The following PLCB4 variants were observed in gnomAD, a reference collection of about 807,000 sequenced individuals.
PLCB4 encodes 1-phosphatidylinositol 4,5-bisphosphate phosphodiesterase beta-4.
In PLCB4, 77 loss-of-function variants were observed where a neutral mutation model predicts 178.8. The ratio of observed to expected loss-of-function variants is 0.43; its 90% CI spans 0.36 to 0.52. The LOEUF (loss-of-function observed/expected upper bound fraction) is 0.52, where lower values mean the gene tolerates loss of function less well. PLCB4 is among the 20% of genes least tolerant of loss of function. The pLI is 0.00. For synonymous variants in PLCB4, 496 were observed against 490.8 expected, an observed-to-expected ratio of 1.01 and a Z score of -0.14; for missense variants, 1,024 against 1,453.4, an observed-to-expected ratio of 0.70 and a Z score of 4.80.
intron 2 of PLCB4, among the ~76,000 whole-genome samples, chr20:9,147,816 T>A (rs1031682666): frequency 1.3e-5 from 2 of 152,132 alleles, no homozygotes; most frequent in South Asian, 4.1e-4. Context: ...AGAGTGAGAA[T>A]GGCACCACAA....
At chr20:9,270,199 G>A (rs918930071) in intron 3 of PLCB4, among the ~76,000 whole-genome samples, 4 of 152,032 alleles carry the variant, frequency 2.6e-5, no homozygotes, top group African/African-American at 9.7e-5. Flanking sequence ...TATTTTAAAA[G>A]GTACAAACAG....
intron 3 of PLCB4, among the ~76,000 whole-genome samples, chr20:9,298,848 T>A (rs907026646): frequency 3.9e-5 from 6 of 152,070 alleles, no homozygotes; most frequent in Admixed American, 1.3e-4. Flanking sequence ...TTTATTTTAT[T>A]CCTGTGCAAT....
At chr20:9,383,488 A>G (rs1448967397) in intron 13 of PLCB4, among the ~76,000 whole-genome samples, 1 of 152,200 alleles carries the variant, frequency 6.6e-6, no homozygotes, top group Non-Finnish European at 1.5e-5. Context: ...TCAACCATTT[A>G]TAAGTTGCAT....
At chr20:9,203,173 G>C (rs1280718653) in intron 2 of PLCB4, among the ~76,000 whole-genome samples, 1 of 150,758 alleles carries the variant, frequency 6.6e-6, no homozygotes, top group Non-Finnish European at 1.5e-5. Context: ...CTCTTCTTCT[G>C]TTCTCACTTA....
chr20:9,266,413 C>T (rs1403393867), intron 3 of PLCB4, among the ~76,000 whole-genome samples: 3 of 152,136 alleles, frequency 2.0e-5, no homozygotes, highest in Non-Finnish European at 2.9e-5. Flanking sequence ...GTAATGTGTA[C>T]CTATCAGTAA....
intron 28 of PLCB4, among the ~76,000 whole-genome samples, chr20:9,427,196 G>T (rs2041078193): frequency 6.6e-6 from 1 of 152,090 alleles, no homozygotes; most frequent in Admixed American, 6.6e-5. Context: ...CCGCACTCCA[G>T]CCTGGTTGAC....
intron 3 of PLCB4, among the ~76,000 whole-genome samples, chr20:9,228,105 G>T (rs1440215748): frequency 6.6e-6 from 1 of 152,166 alleles, no homozygotes; most frequent in African/African-American, 2.4e-5. Context: ...ATTCCAAGGG[G>T]CCATATTCCA....
chr20:9,102,822 C>T (rs74886982), intron 2 of PLCB4, among the ~76,000 whole-genome samples: 51 of 152,136 alleles, frequency 3.4e-4, no homozygotes, highest in African/African-American at 1.2e-3. Context: ...TTTAATCTCT[C>T]CTGCCATGTT....
At chr20:9,318,425 A>T (rs1474305704) in intron 4 of PLCB4, among the ~76,000 whole-genome samples, 1 of 152,060 alleles carries the variant, frequency 6.6e-6, no homozygotes, top group African/African-American at 2.4e-5. Flanking sequence ...GGTGTGAGGC[A>T]TGCAAAAAAA....
intron 38 of PLCB4, among the ~76,000 whole-genome samples, chr20:9,474,770 G>A (rs1422844462): frequency 6.6e-6 from 1 of 152,062 alleles, no homozygotes; most frequent in African/African-American, 2.4e-5. Flanking sequence ...TTTACTTTTT[G>A]GTGGACAGAA....
chr20:9,472,923 CTA>C, intron 37 of PLCB4, 76 bp downstream of exon 37: 1 of 752,256 alleles, frequency 1.3e-6, no homozygotes, highest in Non-Finnish European at 2.3e-6. Context: ...CACCAGATCT[CTA>C]GCTAATTTGT....
chr20:9,187,171 T>C (rs1468121954), intron 2 of PLCB4, among the ~76,000 whole-genome samples: 1 of 151,898 alleles, frequency 6.6e-6, no homozygotes, highest in Non-Finnish European at 1.5e-5. Flanking sequence ...GACAGCGTTT[T>C]ACCATGTCTG....
At chr20:9,295,077 C>A (rs1033560358) in intron 3 of PLCB4, among the ~76,000 whole-genome samples, 1 of 152,126 alleles carries the variant, frequency 6.6e-6, no homozygotes, top group African/African-American at 2.4e-5. Context: ...ACCAGGAAGC[C>A]CTGGGTTAAG....
chr20:9,077,285 G>A (rs1193155213), intron 1 of PLCB4, among the ~76,000 whole-genome samples: 1 of 152,146 alleles, frequency 6.6e-6, no homozygotes, highest in Non-Finnish European at 1.5e-5. Context: ...ACATGTGTGA[G>A]AATTTTTTTT....
chr20:9,082,302 A>C (rs895976026), intron 1 of PLCB4, among the ~76,000 whole-genome samples: 11 of 152,218 alleles, frequency 7.2e-5, no homozygotes, highest in Admixed American at 1.3e-4. Flanking sequence ...GCCATTAATT[A>C]ATTGAAGGGA....
chr20:9,130,270 A>T (rs561516834), intron 2 of PLCB4, among the ~76,000 whole-genome samples: 1 of 152,296 alleles, frequency 6.6e-6, no homozygotes, highest in East Asian at 1.9e-4. Context: ...CAGCTACTGC[A>T]GAAACTCAGT....
intron 30 of PLCB4, among the ~76,000 whole-genome samples, chr20:9,441,997 T>A (rs550410117): frequency 6.6e-6 from 1 of 152,214 alleles, no homozygotes; most frequent in African/African-American, 2.4e-5. Context: ...GAAAACAAGT[T>A]ATTGTTAAGG....
chr20:9,152,878 G>A (rs555058101), intron 2 of PLCB4, among the ~76,000 whole-genome samples: 18 of 152,248 alleles, frequency 1.2e-4, no homozygotes, highest in African/African-American at 2.9e-4. Flanking sequence ...CTGCAAAGCC[G>A]TAGGGGTGGA....
intron 28 of PLCB4, among the ~76,000 whole-genome samples, chr20:9,434,578 G>T (rs891346849): frequency 3.3e-5 from 5 of 152,150 alleles, no homozygotes; most frequent in African/African-American, 7.2e-5. Flanking sequence ...GTTTCACCAT[G>T]TTGCCTAGGC....
Sources: gnomAD v4.1 joint callset for allele counts (sites outside exome capture counted in the v4.1 genomes callset) on GRCh38, gnomAD v4.1.1 for gene constraint, MANE v1.5 for transcripts, NCBI Gene and HGNC (gene_info 2026-07-23, HGNC 2026-07-21) for gene names.